The following PPIG variants were observed in gnomAD, a reference collection of about 807,000 sequenced individuals.
PPIG encodes the protein peptidyl-prolyl cis-trans isomerase G.
Under a neutral mutation model 87.9 loss-of-function variants are expected in PPIG, and 26 were observed. That is an observed-to-expected ratio of 0.30 (90% CI 0.22 to 0.41). The LOEUF is 0.41. Among genes scored for constraint, PPIG ranks in the 10% least tolerant of loss-of-function variants. The pLI is 1.00. For missense variants in PPIG, 722 were observed against 879.4 expected, an observed-to-expected ratio of 0.82 and a Z score of 2.26; for synonymous variants, 308 against 276.5, an observed-to-expected ratio of 1.11 and a Z score of -1.13.
At chr2:169,585,934 A>G (rs1177489740) in intron 1 of PPIG, among the ~76,000 whole-genome samples, 1 of 151,990 alleles carries the variant, frequency 6.6e-6, no homozygotes, top group African/African-American at 2.4e-5. Flanking sequence ...ACTTTGTAAC[A>G]ATGACGGGTG....
At chr2:169,626,675 C>T (rs528518992) in intron 9 of PPIG, among the ~76,000 whole-genome samples, 48 of 151,286 alleles carry the variant, frequency 3.2e-4, no homozygotes, top group Non-Finnish European at 5.4e-4. Context: ...TAGGCGTGAG[C>T]CACCACTCTC....
At chr2:169,587,233 C>T (rs538579943) in intron 1 of PPIG, among the ~76,000 whole-genome samples, 2 of 151,422 alleles carry the variant, frequency 1.3e-5, no homozygotes, top group African/African-American at 4.8e-5. Flanking sequence ...GTGCACTGTG[C>T]CCAGCCTGAC....
Position 169,639,385 on chromosome 2 carries a change from T to C in PPIG, c.*1862T>C, listed in dbSNP as rs966279476. 8 of 149,886 alleles carry C rather than the reference T, an allele frequency of 5.3e-5. No individual in the cohort carries two copies. Among genetic ancestry groups the C allele is most frequent in the African/African-American group, 2.0e-4 (8 of 40,280 alleles). The allele number at this position is 149,886 out of a possible 1,614,324, so 9.3% of individuals were successfully genotyped here. On this transcript the variant is annotated 3_prime_UTR_variant, in exon 14 of 14. Coordinates refer to ENST00000260970, the MANE Select transcript of PPIG (RefSeq NM_004792.3). ...ACTATTTGAGCTTTAAGAAAGGTGC[T>C]ATTTAAGAAAGGATTTCTAATAACA...
chr2:169,626,936 C>T (rs908025977), intron 9 of PPIG, among the ~76,000 whole-genome samples: 4 of 152,136 alleles, frequency 2.6e-5, no homozygotes, highest in Non-Finnish European at 5.9e-5. Flanking sequence ...TCTCGAACCC[C>T]TGGCTTCAAG....
chr2:169,604,926 G>A (rs915189342), intron 4 of PPIG, among the ~76,000 whole-genome samples: 41 of 151,012 alleles, frequency 2.7e-4, no homozygotes, highest in African/African-American at 1.0e-3. Flanking sequence ...GGCTGGGCAT[G>A]GTGGCTCACA....
At chr2:169,627,047 T>C (rs6724094) in intron 9 of PPIG, among the ~76,000 whole-genome samples, 90,092 of 151,454 alleles carry the variant, frequency 0.59, 27,406 homozygotes, top group African/African-American at 0.73. Context: ...TTCTGATTCT[T>C]GAGCAGATTA....
intron 1 of PPIG, among the ~76,000 whole-genome samples, chr2:169,593,551 C>T (rs1684928907): frequency 6.6e-6 from 1 of 152,046 alleles, no homozygotes; most frequent in Admixed American, 6.6e-5. Flanking sequence ...GATTTATTTC[C>T]TTTCACTCTT....
chr2:169,611,131 A>G (rs749515297), intron 7 of PPIG, among the ~76,000 whole-genome samples: 5 of 152,220 alleles, frequency 3.3e-5, no homozygotes, highest in African/African-American at 4.8e-5. Context: ...TGGAGGTTGC[A>G]GTGAGCCAGG....
chr2:169,592,715 C>T lies in PPIG; in HGVS notation c.-70+8225C>T, dbSNP rs149770719. Among the ~76,000 whole-genome samples, 237 of 152,090 alleles carry T rather than the reference C, an allele frequency of 1.6e-3. 1 individual carries two copies. The highest frequency in any genetic ancestry group is 5.6e-3 in the African/African-American group (231 of 41,470). ...TTCGCCCCTCAAAGTGCTGGGATTA[C>T]GGGTGTGAACCACCGTGATTTCAGG... On this transcript the variant is annotated intron_variant, in intron 1 of 13. Coordinates refer to ENST00000260970, the MANE Select transcript of PPIG (RefSeq NM_004792.3).
At position 169,636,537 on chromosome 2, in the gene PPIG, A is replaced by G. The variant is rs1686184050; in HGVS notation, c.1279A>G (p.Lys427Glu). The G allele has an allele frequency of 1.2e-6, 2 of 1,610,344 alleles. No homozygotes were observed. The highest frequency in any genetic ancestry group is 1.7e-6 in the Non-Finnish European group (2 of 1,178,978). The change falls in exon 14 of 14, where the codon AAA (lysine) becomes GAA (glutamate). Residue 427 changes from lysine (K) to glutamate (E), a missense_variant. Coordinates refer to ENST00000260970, the MANE Select transcript of PPIG (RefSeq NM_004792.3). Reference sequence around the variant, plus strand: ...AAAAAATGAAAAGGAGAAGAAAGTTAAAGACCATAAATCTAACAGCAAAGA... The same window carrying G: ...AAAAAATGAAAAGGAGAAGAAAGTTGAAGACCATAAATCTAACAGCAAAGA... ...NRKNEKEKKVKDHKSNSKERD... is the reference protein window; with the variant it reads ...NRKNEKEKKVEDHKSNSKERD...
rs750281218 is a variant in PPIG at position 169,633,203 on chromosome 2, T to C, written c.973T>C (p.Leu325=). 10 of 1,611,394 alleles carry C rather than the reference T, an allele frequency of 6.2e-6. No homozygotes were observed. The highest frequency in any genetic ancestry group is 8.5e-6 in the Non-Finnish European group (10 of 1,178,120). ...SQPASYQRRL[L]VTRSGRKIKG... ...GCCTGCTTCATACCAGAGACGACTT[T>C]TAGTTACTAGATCTGGCAGGAAAAT... Residue 325 remains leucine, a synonymous_variant, in exon 12 of 14, where the codon TTA becomes CTA. Coordinates refer to ENST00000260970, the MANE Select transcript of PPIG (RefSeq NM_004792.3).
intron 5 of PPIG, among the ~76,000 whole-genome samples, chr2:169,606,509 T>C (rs1685326851): frequency 7.1e-6 from 1 of 141,352 alleles, no homozygotes; most frequent in African/African-American, 2.6e-5. Flanking sequence ...GGAGAATGGC[T>C]TGAACCCGAA....
At chr2:169,617,047 A>G (rs897204602) in intron 9 of PPIG, among the ~76,000 whole-genome samples, 1 of 152,180 alleles carries the variant, frequency 6.6e-6, no homozygotes, top group Non-Finnish European at 1.5e-5. Context: ...TATAAGGTGT[A>G]AGGAAGGGGT....
At chr2:169,628,103 C>T (rs1194592327) in intron 9 of PPIG, among the ~76,000 whole-genome samples, 1 of 152,102 alleles carries the variant, frequency 6.6e-6, no homozygotes, top group Non-Finnish European at 1.5e-5. Flanking sequence ...TTCAGGTTAA[C>T]AGTTGGGCTC....
intron 9 of PPIG, among the ~76,000 whole-genome samples, chr2:169,624,649 G>T (rs951448888): frequency 1.3e-5 from 2 of 152,158 alleles, no homozygotes; most frequent in Non-Finnish European, 2.9e-5. Flanking sequence ...GTGCAGTGGT[G>T]CGTTCTCGGC....
chr2:169,618,327 G>A (rs575479111), intron 9 of PPIG, among the ~76,000 whole-genome samples: 195 of 152,044 alleles, frequency 1.3e-3, no homozygotes, highest in Non-Finnish European at 2.3e-3. Context: ...TTTTTGTTGT[G>A]TCTCTGCCAG....
chr2:169,586,973 G>A (rs182434330), intron 1 of PPIG, among the ~76,000 whole-genome samples: 1 of 152,056 alleles, frequency 6.6e-6, no homozygotes, highest in East Asian at 1.9e-4. Flanking sequence ...TTGCTCTGTC[G>A]CCCAGGCTGG....
intron 4 of PPIG, among the ~76,000 whole-genome samples, chr2:169,604,894 ATAT>A (rs1321171790): frequency 1.3e-5 from 2 of 150,342 alleles, no homozygotes; most frequent in South Asian, 2.1e-4. Flanking sequence ...AAAGAAAGAA[ATAT>A]TATGGCTGGG....
At chr2:169,602,081 C>T (rs1045012938) in intron 1 of PPIG, among the ~76,000 whole-genome samples, 1 of 152,070 alleles carries the variant, frequency 6.6e-6, no homozygotes, top group African/African-American at 2.4e-5. Flanking sequence ...GTTTCATGCA[C>T]AAAATTATTT....
Sources: allele counts gnomAD v4.1 joint callset (sites outside exome capture counted in the v4.1 genomes callset), GRCh38; gene constraint gnomAD v4.1.1; transcripts MANE v1.5; gene names NCBI Gene and HGNC (gene_info 2026-07-23, HGNC 2026-07-21).